The following TSEN2 variants were observed in gnomAD, a reference collection of about 807,000 sequenced individuals.
The protein encoded by TSEN2 is tRNA splicing endonuclease subunit 2.
TSEN2 carries 54 observed loss-of-function variants against 59.2 expected under a neutral mutation model. That is an observed-to-expected ratio of 0.91 (90% confidence interval 0.73 to 1.14). The LOEUF is 1.14. Among genes scored for constraint, TSEN2 ranks in the 50% most tolerant of loss-of-function variants. TSEN2 has a pLI of 0.00. For missense variants in TSEN2, 636 were observed against 576.2 expected (o/e 1.10, Z -1.06); for synonymous variants, 195 against 198.2 (o/e 0.98, Z 0.14).
At chr3:12,494,345 G>A (rs1286466736) in intron 3 of TSEN2, among the ~76,000 whole-genome samples, 2 of 152,182 alleles carry the variant, frequency 1.3e-5, no homozygotes, top group Non-Finnish European at 2.9e-5. Flanking sequence ...AGTACATGCT[G>A]TGCTGTGGTT....
chr3:12,488,787 A>T (rs1451868959), intron 1 of TSEN2, among the ~76,000 whole-genome samples: 2 of 152,206 alleles, frequency 1.3e-5, no homozygotes, highest in Admixed American at 1.3e-4. Flanking sequence ...GAGTCATCAG[A>T]CAAAAGTAGA....
In TSEN2 at chr3:12,532,645, TTTTTTATTGGTTGTAGGAGGTGATTC is replaced by T. The variant is rs776660459; in HGVS notation, c.1339-15_1349del. On this transcript the variant is annotated splice_acceptor_variant and splice_polypyrimidine_tract_variant and coding_sequence_variant and intron_variant, in exon 12 of 12. Transcript: ENST00000284995. LOFTEE classifies it high-confidence loss of function. Reference sequence around the variant, plus strand: ...ATTTCTGTTTTAAGAAATGGTCTTTTTTTTTATTGGTTGTAGGAGGTGATTCTGAGTCGATGGGTTTCTTCACGAGA... The same window carrying T: ...ATTTCTGTTTTAAGAAATGGTCTTTTTGAGTCGATGGGTTTCTTCACGAGA... 6.2e-7 allele frequency: 1 copy of T among 1,614,054 alleles called. No homozygotes were observed. Among genetic ancestry groups the T allele is most frequent in the South Asian group, 1.1e-5 (1 of 91,076 alleles).
At chr3:12,520,610 T>C (rs1320653583) in intron 8 of TSEN2, among the ~76,000 whole-genome samples, 3 of 152,094 alleles carry the variant, frequency 2.0e-5, no homozygotes, top group Admixed American at 1.3e-4. Context: ...ACCAACATGG[T>C]GAAACCCCGT....
intron 11 of TSEN2, among the ~76,000 whole-genome samples, chr3:12,531,960 T>G (rs951530060): frequency 1.3e-5 from 2 of 152,186 alleles, no homozygotes; most frequent in Non-Finnish European, 2.9e-5. Flanking sequence ...TTCTCACAGG[T>G]CTCATTCCCA....
At chr3:12,509,183 T>G (rs1344110461) in intron 6 of TSEN2, among the ~76,000 whole-genome samples, 9 of 140,102 alleles carry the variant, frequency 6.4e-5, no homozygotes, top group South Asian at 4.4e-4. Context: ...ACTTTGGGGG[T>G]TTTTTTTGGT....
upstream of TSEN2, among the ~76,000 whole-genome samples, chr3:12,483,394 A>G (rs770144692): frequency 5.9e-5 from 9 of 152,194 alleles, no homozygotes; most frequent in Admixed American, 2.0e-4. Context: ...CAAAAAATAA[A>G]AAGGGCCAGA....
chr3:12,503,352 G>A lies in TSEN2; in HGVS notation c.399G>A (p.Thr133=), dbSNP rs377321204. 6.8e-6 allele frequency: 11 copies of A among 1,614,204 alleles called. No individual in the cohort carries two copies. The highest frequency in any genetic ancestry group is 3.3e-5 in the South Asian group (3 of 91,084). The stretch of plus-strand genomic sequence containing the variant: ...TGCGCAGAATCCTCAAGGATTACAC[G>A]AAACCGCTTGAGCATCCTCCTGTGA... The part of the protein sequence containing the change: ...STVRRILKDY[T]KPLEHPPVKR... The change falls in exon 5 of 12, where the codon ACG becomes ACA. Residue 133 remains threonine (T), a synonymous_variant. Coordinates refer to ENST00000284995, the MANE Select transcript of TSEN2 (RefSeq NM_025265.4).
rs139939847 is a variant in TSEN2, at chr3:12,524,590, A to T, written c.1100-4298A>T. On this transcript the variant is annotated intron_variant, in intron 8 of 11. Coordinates refer to ENST00000284995, the MANE Select transcript of TSEN2 (RefSeq NM_025265.4). ...CATCCAGCTAATTCAGGATGATCTC[A>T]TCTCAAAATTCTAAACTTAGTTACA... Among the ~76,000 whole-genome samples, 479 of 152,222 alleles carry T rather than the reference A, an allele frequency of 3.1e-3. 1 individual carries two copies. Among genetic ancestry groups the T allele is most frequent in the African/African-American group, 0.011 (439 of 41,536 alleles).
intron 10 of TSEN2, 138 bp downstream of exon 10, chr3:12,530,011 G>T: frequency 6.7e-7 from 1 of 1,483,406 alleles, no homozygotes; most frequent in Non-Finnish European, 8.9e-7. Flanking sequence ...TGGAAGATTT[G>T]GGGTCATTCG....
At chr3:12,507,295 A>G (rs1346931551) in intron 6 of TSEN2, among the ~76,000 whole-genome samples, 23 of 152,342 alleles carry the variant, frequency 1.5e-4, no homozygotes, top group Non-Finnish European at 1.5e-5. Flanking sequence ...TGGCTACTGT[A>G]TTGAACAGCA....
chr3:12,528,226 G>C (rs1467697352), intron 8 of TSEN2, among the ~76,000 whole-genome samples: 1 of 152,100 alleles, frequency 6.6e-6, no homozygotes, highest in East Asian at 1.9e-4. Context: ...ACAAAATATT[G>C]ATCCACATTC....
intron 1 of TSEN2, among the ~76,000 whole-genome samples, chr3:12,487,849 G>A (rs1416283965): frequency 6.6e-6 from 1 of 152,182 alleles, no homozygotes; most frequent in East Asian, 1.9e-4. Flanking sequence ...CAAGATGCAT[G>A]CATAAATATA....
intron 6 of TSEN2, among the ~76,000 whole-genome samples, chr3:12,514,489 T>G (rs1035370105): frequency 2.0e-5 from 3 of 151,858 alleles, no homozygotes; most frequent in Non-Finnish European, 2.9e-5. Flanking sequence ...AGGGAGGGTG[T>G]CACAGAAGGC....
At chr3:12,526,358 A>G (rs115643298) in intron 8 of TSEN2, among the ~76,000 whole-genome samples, 5,001 of 152,070 alleles carry the variant, frequency 0.033, 268 homozygotes, top group African/African-American at 0.11. Flanking sequence ...TCTCTTTTAT[A>G]TCGTATTTTT....
intron 4 of TSEN2, among the ~76,000 whole-genome samples, chr3:12,499,373 G>A (rs34362167): frequency 6.6e-6 from 1 of 152,202 alleles, no homozygotes; most frequent in Admixed American, 6.5e-5. Flanking sequence ...AAAAGACCTA[G>A]TCCCTGTTCT....
intron 4 of TSEN2, among the ~76,000 whole-genome samples, chr3:12,498,019 A>C (rs1468684812): frequency 1.3e-5 from 2 of 150,870 alleles, no homozygotes; most frequent in Non-Finnish European, 2.9e-5. Flanking sequence ...CTCTGTGGTC[A>C]TGTGGCATTC....
downstream of TSEN2, among the ~76,000 whole-genome samples, chr3:12,537,117 G>A (rs938642633): frequency 2.0e-5 from 3 of 151,876 alleles, no homozygotes; most frequent in African/African-American, 7.3e-5. Flanking sequence ...TAAGAAATGG[G>A]GACCATCTAA....
At chr3:12,502,425 A>C (rs1303340197) in intron 4 of TSEN2, among the ~76,000 whole-genome samples, 1 of 152,032 alleles carries the variant, frequency 6.6e-6, no homozygotes, top group African/African-American at 2.4e-5. Flanking sequence ...CATCCTAGCT[A>C]CTCGGGAGGC....
intron 8 of TSEN2, among the ~76,000 whole-genome samples, chr3:12,524,192 A>G (rs981484594): frequency 1.3e-5 from 2 of 152,182 alleles, no homozygotes; most frequent in African/African-American, 4.8e-5. Flanking sequence ...CTGGCTTCCC[A>G]AAGTGTAGGA....
Sources: gnomAD v4.1 joint callset for allele counts (sites outside exome capture counted in the v4.1 genomes callset) on GRCh38, gnomAD v4.1.1 for gene constraint, MANE v1.5 for transcripts, NCBI Gene and HGNC (gene_info 2026-07-23, HGNC 2026-07-21) for gene names.